Variants in USP35 observed in about 807,000 individuals in gnomAD.
USP35 encodes ubiquitin specific peptidase 35.
In USP35, 69 loss-of-function variants were observed where a neutral mutation model predicts 83.8. The observed-to-expected ratio is 0.82, with a 90% confidence interval of 0.68 to 1.01. USP35 has a LOEUF of 1.01. Among genes scored for constraint, USP35 ranks in the 50% least tolerant of loss-of-function variants. USP35 has a pLI of 0.00. For missense variants in USP35, 1,503 were observed against 1,362.5 expected, an observed-to-expected ratio of 1.10 and a Z score of -1.62; for synonymous variants, 714 against 589.5, an observed-to-expected ratio of 1.21 and a Z score of -3.06.
chr11:78,220,521 G>A, the USP35 span: 14 of 1,290,186 alleles, frequency 1.1e-5, no homozygotes, highest in Non-Finnish European at 1.5e-5. Flanking sequence ...ACCTCTGGGA[G>A]TAAGAACACT....
intron 5 of USP35, 80 bp from the exon 6 acceptor site, chr11:78,200,570 C>A (rs777132826): frequency 2.0e-6 from 3 of 1,526,022 alleles, no homozygotes; most frequent in Admixed American, 2.1e-5. Context: ...GAGAGTGTTG[C>A]GTGCTGTCAG....
At chr11:78,230,954 AC>A in the USP35 span, among the ~76,000 whole-genome samples, 1 of 152,198 alleles carries the variant, frequency 6.6e-6, no homozygotes, top group East Asian at 1.9e-4. Flanking sequence ...TGGATAATCC[AC>A]CTGGAAGTGG....
chr11:78,201,179 C>T (rs533258489), intron 6 of USP35, among the ~76,000 whole-genome samples: 1 of 152,338 alleles, frequency 6.6e-6, no homozygotes, highest in South Asian at 2.1e-4. Context: ...TTCCTGATCA[C>T]TCTCAGTACT....
Position 78,210,545 on chromosome 11 carries a change from G to A in USP35, c.2690G>A (p.Arg897Gln), listed in dbSNP as rs1433975646. ...ENQWYLFNDT[R>Q]VSFSSFESVS... The stretch of plus-strand genomic sequence containing the variant: ...CAGTGGTACCTGTTCAATGACACTC[G>A]GGTGTCCTTCTCTTCCTTCGAATCT... The change falls in exon 10 of 11, where the codon CGG becomes CAG. Residue 897 changes from arginine (R) to glutamine (Q), a missense_variant. Arg to Gln is a conservative substitution (Grantham distance 43). Transcript: ENST00000529308. The A allele has an allele frequency of 1.9e-6, 3 of 1,612,980 alleles. No individual in the cohort carries two copies. The highest frequency in any genetic ancestry group is 2.7e-5 in the African/African-American group (2 of 74,924).
At chr11:78,213,262 C>G (rs374381517) in intron 10 of USP35, among the ~76,000 whole-genome samples, 2 of 152,134 alleles carry the variant, frequency 1.3e-5, no homozygotes, top group African/African-American at 2.4e-5. Context: ...ATGAGGCTGA[C>G]GTCCTGGTAG....
At chr11:78,211,794 G>T (rs1228181099) in intron 10 of USP35, among the ~76,000 whole-genome samples, 2 of 152,140 alleles carry the variant, frequency 1.3e-5, no homozygotes, top group South Asian at 2.1e-4. Context: ...TTTTAATGGG[G>T]TTGTTTTTTT....
Position 78,214,124 on chromosome 11 carries a change from G to T in USP35, c.*311G>T. ...GGCTCCCCATGCGGGAAGATCTGATGATGTTCAGGAAACAGGCTAGACCTC... is the reference window on the plus strand; with the variant it reads ...GGCTCCCCATGCGGGAAGATCTGATTATGTTCAGGAAACAGGCTAGACCTC... On this transcript the variant is annotated 3_prime_UTR_variant, in exon 11 of 11. Transcript: ENST00000529308. The T allele has an allele frequency of 3.5e-6, 1 of 288,422 alleles. No individual in the cohort carries two copies. The highest frequency in any genetic ancestry group is 6.4e-6 in the Non-Finnish European group (1 of 156,348). The allele number at this position is 288,422 out of a possible 1,614,324, so 17.9% of individuals were successfully genotyped here.
rs758511744 is a variant in USP35 at position 78,196,340 on chromosome 11, C to A, written c.95C>A (p.Pro32Gln). 3.2e-6 allele frequency: 5 copies of A among 1,584,004 alleles called. No individual in the cohort carries two copies. The highest frequency in any genetic ancestry group is 1.4e-5 in the African/African-American group (1 of 73,064). The change falls in exon 2 of 11, where the codon CCG becomes CAG. Residue 32 changes from proline to glutamine, a missense_variant. Transcript: ENST00000529308. This position sits in a 1 kb window ranked among gnomAD's most constrained non-coding sequence, Gnocchi z 4.8. ...VRRVLEAARQ[P>Q]LEREQCLALL... ...CGCGTGCTGGAGGCGGCGCGGCAGC[C>A]GCTGGAGCGTGAGCAGTGCCTGGCG...
chr11:78,225,899 T>C, the USP35 span, among the ~76,000 whole-genome samples: 1 of 152,242 alleles, frequency 6.6e-6, no homozygotes, highest in African/African-American at 2.4e-5. Context: ...GAATTAATAT[T>C]GTTCTATTTT....
At chr11:78,189,922 T>C (rs1862950428) in intron 1 of USP35, among the ~76,000 whole-genome samples, 2 of 152,124 alleles carry the variant, frequency 1.3e-5, no homozygotes, top group Admixed American at 6.5e-5. Context: ...AGAAGTTCAG[T>C]TAAAAAATAC....
chr11:78,231,133 G>A, the USP35 span, among the ~76,000 whole-genome samples: 1 of 152,158 alleles, frequency 6.6e-6, no homozygotes, highest in South Asian at 2.1e-4. Context: ...ACAGTAAATG[G>A]CAGAGTTGGA....
At chr11:78,209,388 C>T in intron 9 of USP35, 60 bp from the exon 10 acceptor site, 6 of 1,482,116 alleles carry the variant, frequency 4.0e-6, no homozygotes, top group Non-Finnish European at 3.6e-6. Flanking sequence ...CATGGATAAG[C>T]TGAGTGCCCC....
At chr11:78,229,023 T>C in the USP35 span, among the ~76,000 whole-genome samples, 1 of 152,192 alleles carries the variant, frequency 6.6e-6, no homozygotes, top group South Asian at 2.1e-4. Flanking sequence ...AGATGCCACC[T>C]GCCCAGTGAG....
intron 6 of USP35, among the ~76,000 whole-genome samples, chr11:78,201,743 C>T (rs1863366712): frequency 6.6e-6 from 1 of 152,124 alleles, no homozygotes; most frequent in Non-Finnish European, 1.5e-5. Context: ...TCATTTCAAT[C>T]TCATAGATGA....
At chr11:78,234,501 G>A in the USP35 span, among the ~76,000 whole-genome samples, 1 of 151,354 alleles carries the variant, frequency 6.6e-6, no homozygotes, top group African/African-American at 2.4e-5. Flanking sequence ...TGAATGTCAA[G>A]CTGTTTCAGC....
chr11:78,214,473 G>GCA lies in USP35; in HGVS notation c.*660_*661insCA, dbSNP rs1864001404. 6.8e-6 allele frequency: 1 copy of GCA among 147,032 alleles called. No homozygotes were observed. The highest frequency in any genetic ancestry group is 2.2e-4 in the South Asian group (1 of 4,614). 9.1% of individuals were successfully genotyped at this position (147,032 alleles called of 1,614,324 possible). On this transcript the variant is annotated 3_prime_UTR_variant, in exon 11 of 11. Coordinates refer to ENST00000529308, the MANE Select transcript of USP35 (RefSeq NM_020798.4). ...CTCAGGGCCTGAGAAGCCACCACTT[G>GCA]TATCCCCCTTGTGGTTAGAGTCCTG...
the USP35 span, chr11:78,226,436 T>G: frequency 6.5e-7 from 1 of 1,548,030 alleles, no homozygotes; most frequent in Non-Finnish European, 8.9e-7. Flanking sequence ...TCCTCCTCCC[T>G]CTGAGTCTCA....
In USP35 at chr11:78,196,462, C is replaced by G; in HGVS notation, c.217C>G (p.Pro73Ala). The G allele has an allele frequency of 8.0e-7, 1 of 1,253,282 alleles. No individual in the cohort carries two copies. The highest frequency in any genetic ancestry group is 1.0e-6 in the Non-Finnish European group (1 of 998,332). 77.6% of individuals were successfully genotyped at this position (1,253,282 alleles called of 1,614,324 possible). ...QLLHVAGRHH[P>A]DVFAEFFSAR... ...GCTGCACGTGGCCGGCCGCCACCAC[C>G]CCGACGTCTTCGCCGAGTTCTTCAG... is the stretch of plus-strand genomic sequence containing the variant. The change falls in exon 2 of 11, where the codon CCC (proline) becomes GCC (alanine). Residue 73 changes from proline (P) to alanine (A), a missense_variant. Pro to Ala is a conservative substitution (Grantham distance 27, BLOSUM62 -1). Coordinates refer to ENST00000529308, the MANE Select transcript of USP35 (RefSeq NM_020798.4). The surrounding 1 kb of genome is among the most constrained non-coding windows in gnomAD (Gnocchi z 4.8).
rs1212873320 is a variant in USP35 at position 78,210,730 on chromosome 11, A to G, written c.2875A>G (p.Ile959Val). ...DLMEAISKDN[I>V]LYLQEQEKEA... ...GATGGAAGCCATTTCCAAAGACAAC[A>G]TCCTTTACCTACAGGTGAGCTGAGC... The change falls in exon 10 of 11, where the codon ATC becomes GTC. Residue 959 changes from isoleucine to valine, a missense_variant. Ile to Val is a conservative substitution (Grantham distance 29). Coordinates refer to ENST00000529308, the MANE Select transcript of USP35 (RefSeq NM_020798.4). 4 of 1,558,908 alleles carry G rather than the reference A, an allele frequency of 2.6e-6. No homozygotes were observed. The highest frequency in any genetic ancestry group is 2.4e-5 in the South Asian group (2 of 84,666).
Sources: allele counts gnomAD v4.1 joint callset (sites outside exome capture counted in the v4.1 genomes callset), GRCh38; gene constraint gnomAD v4.1.1; non-coding constraint Gnocchi (gnomAD v3.1); transcripts MANE v1.5; gene names NCBI Gene and HGNC (gene_info 2026-07-23, HGNC 2026-07-21).